Variants in CAMKK1 observed in about 807,000 individuals in gnomAD.
CAMKK1 encodes the protein calcium/calmodulin-dependent protein kinase kinase 1.
Under a neutral mutation model 63.5 loss-of-function variants are expected in CAMKK1, and 20 were observed. That is an observed-to-expected ratio of 0.32 (90% confidence interval 0.22 to 0.46). The LOEUF (loss-of-function observed/expected upper bound fraction) is 0.46. Ranked by LOEUF, CAMKK1 falls within the 20% of genes least tolerant of loss-of-function variation. The probability of loss-of-function intolerance (pLI) is 1.00; values close to 1 mark genes in which losing one functional copy is unlikely to be tolerated. For synonymous variants in CAMKK1, 253 were observed against 269.0 expected (o/e 0.94, Z 0.58); for missense variants, 588 against 658.1 (o/e 0.89, Z 1.17).
intron 10 of CAMKK1, among the ~76,000 whole-genome samples, chr17:3,874,928 T>C (rs1353033955): frequency 6.7e-6 from 1 of 149,918 alleles, no homozygotes; most frequent in African/African-American, 2.4e-5. Context: ...CAGACCATCC[T>C]GGCTAACACG....
chr17:3,865,328 C>T (rs59076202), intron 15 of CAMKK1: 125 of 987,298 alleles, frequency 1.3e-4, no homozygotes, highest in African/African-American at 3.3e-4. Context: ...CGTGGTCCAC[C>T]GGCCAGCCTG....
chr17:3,866,040 A>C, intron 14 of CAMKK1, 29 bp from the exon 15 acceptor site: 1 of 1,610,632 alleles, frequency 6.2e-7, no homozygotes, highest in African/African-American at 1.3e-5. Context: ...CGTGAGGAGC[A>C]CAGGTCCCAG....
chr17:3,875,231 G>A (rs1175933126), intron 10 of CAMKK1, among the ~76,000 whole-genome samples: 1 of 152,176 alleles, frequency 6.6e-6, no homozygotes, highest in East Asian at 1.9e-4. Flanking sequence ...CAACTTTTCT[G>A]TAAATTTAGA....
At chr17:3,867,013 G>A (rs1248583498) in intron 14 of CAMKK1, among the ~76,000 whole-genome samples, 1 of 152,206 alleles carries the variant, frequency 6.6e-6, no homozygotes, top group African/African-American at 2.4e-5. Context: ...GAGCCACTGC[G>A]CCCAGCCATC....
Position 3,884,450 on chromosome 17 carries a change from A to C in CAMKK1, c.361-23T>G. The C allele has an allele frequency of 6.2e-7, 1 of 1,611,790 alleles. No homozygotes were observed. ...GTCCTGTGGGGGAAGAGCGAGCACC[A>C]GGTGGAGCTGGGTCCGGAGGCAGCA... On this transcript the variant is annotated intron_variant, in intron 2 of 15. Transcript: ENST00000348335. This position sits in a 1 kb window ranked among gnomAD's most constrained non-coding sequence, Gnocchi z 4.5.
intron 12 of CAMKK1, among the ~76,000 whole-genome samples, chr17:3,871,086 G>A (rs147053004): frequency 0.011 from 1,706 of 152,242 alleles, 26 homozygotes; most frequent in African/African-American, 0.036. Flanking sequence ...GGCTGTCCCC[G>A]CCTGAATGTG....
intron 8 of CAMKK1, among the ~76,000 whole-genome samples, chr17:3,880,742 C>T (rs2055373027): frequency 6.6e-6 from 1 of 150,956 alleles, no homozygotes; most frequent in Admixed American, 6.6e-5. Context: ...GGATCCAGAC[C>T]CAAGAGAGGA....
chr17:3,866,903 A>G (rs2054549724), intron 14 of CAMKK1, among the ~76,000 whole-genome samples: 1 of 151,836 alleles, frequency 6.6e-6, no homozygotes, highest in Non-Finnish European at 1.5e-5. Flanking sequence ...GTATTTTTAG[A>G]AGAGACGGGG....
rs374899280 is a variant in CAMKK1, at chr17:3,882,220, T to C, written c.685+308A>G. The C allele has an allele frequency of 2.8e-6, 4 of 1,447,504 alleles. No homozygotes were observed. The highest frequency in any genetic ancestry group is 3.5e-5 in the Admixed American group (2 of 56,790). The allele number at this position is 1,447,504 out of a possible 1,614,324, so 89.7% of individuals were successfully genotyped here. Reference sequence around the variant, plus strand: ...GGAAAACTGAGGCACAGAGCTACAGTGTCTGGGAACCCATGCAGCCTGCTT... The same window carrying C: ...GGAAAACTGAGGCACAGAGCTACAGCGTCTGGGAACCCATGCAGCCTGCTT... On this transcript the variant is annotated intron_variant, in intron 7 of 15. Coordinates refer to ENST00000348335, the MANE Select transcript of CAMKK1 (RefSeq NM_032294.3). The surrounding 1 kb of genome is among the most constrained non-coding windows in gnomAD (Gnocchi z 4.3).
chr17:3,881,509 A>G, intron 8 of CAMKK1, 118 bp downstream of exon 8: 1 of 955,354 alleles, frequency 1.0e-6, no homozygotes, highest in Non-Finnish European at 1.6e-6. Context: ...CCCTAAGGGC[A>G]GGGCCTCCGT....
At position 3,885,558 on chromosome 17, in the gene CAMKK1, G is replaced by C. The variant is rs548960205; in HGVS notation, c.130C>G (p.Pro44Ala). 1 of 1,614,014 alleles carries C rather than the reference G, an allele frequency of 6.2e-7. No homozygotes were observed. The highest frequency in any genetic ancestry group is 1.3e-5 in the African/African-American group (1 of 75,058). The change falls in exon 2 of 16, where the codon CCC becomes GCC. Residue 44 changes from proline to alanine, a missense_variant. Coordinates refer to ENST00000348335, the MANE Select transcript of CAMKK1 (RefSeq NM_032294.3). Reference sequence around the variant, plus strand: ...GAGGCAGCTCTGGCCCGTGGTGGGGGGTCCACACCGTTTCTAGTAGGCTCT... The same window carrying C: ...GAGGCAGCTCTGGCCCGTGGTGGGGCGTCCACACCGTTTCTAGTAGGCTCT... Reference protein sequence around the residue: ...GPEPTRNGVDPPPRARAASVI... With the variant: ...GPEPTRNGVDAPPRARAASVI...
Position 3,873,295 on chromosome 17 carries a change from G to T in CAMKK1, c.1050+114C>A, listed in dbSNP as rs927190870. The T allele has an allele frequency of 3.6e-5, 32 of 881,606 alleles. No individual in the cohort carries two copies. In the African/African-American group the frequency reaches 3.8e-4, roughly 11 times the overall value. The allele number at this position is 881,606 out of a possible 1,614,324, so 54.6% of individuals were successfully genotyped here. ...CCTCTTCTCTCTCAGCCTTCTCTGA[G>T]CCAGGTGGGCTCTTTCAAAAGCCAC... On this transcript the variant is annotated intron_variant, in intron 11 of 15. Transcript: ENST00000348335.
At position 3,882,235 on chromosome 17, in the gene CAMKK1, G is replaced by A. The variant is rs192127211; in HGVS notation, c.685+293C>T. On this transcript the variant is annotated intron_variant, in intron 7 of 15. Transcript: ENST00000348335. This position sits in a 1 kb window ranked among gnomAD's most constrained non-coding sequence, Gnocchi z 4.3. ...AGAGCTACAGTGTCTGGGAACCCAT[G>A]CAGCCTGCTTCCTGCATCTACCTGA... is the stretch of plus-strand genomic sequence containing the variant. 1.1e-4 allele frequency: 165 copies of A among 1,558,766 alleles called. No individual in the cohort carries two copies. Among genetic ancestry groups the A allele is most frequent in the Non-Finnish European group, 1.4e-5 (16 of 1,135,914 alleles).
In CAMKK1 at chr17:3,887,835, G is replaced by A. The variant is rs542166968; in HGVS notation, c.-43-2105C>T. On this transcript the variant is annotated intron_variant, in intron 1 of 15. Transcript: ENST00000348335. This position sits in a 1 kb window ranked among gnomAD's most constrained non-coding sequence, Gnocchi z 6.1. The stretch of plus-strand genomic sequence containing the variant: ...AAGCTGGGAACACCCTCCAGGACCC[G>A]CCAGGCTCCTCCCAGCAGGTGGCCC... 2.6e-5 allele frequency among the ~76,000 whole-genome samples: 4 copies of A among 152,236 alleles called. No homozygotes were observed. The South Asian group carries it at 6.2e-4, about 24-fold the overall frequency.
In CAMKK1 at chr17:3,864,062, C is replaced by G. The variant is rs186062585; in HGVS notation, c.1446-1779G>C. On this transcript the variant is annotated intron_variant, in intron 15 of 15. Transcript: ENST00000348335. Reference sequence around the variant, plus strand: ...CCACCTCCCAGACTCAAGCAATCCTCCCACCTCAGCCTCCTGAGTTGCTGG... The same window carrying G: ...CCACCTCCCAGACTCAAGCAATCCTGCCACCTCAGCCTCCTGAGTTGCTGG... Among the ~76,000 whole-genome samples the G allele has an allele frequency of 3.9e-3, 587 of 151,876 alleles. 2 individuals are homozygous for G. The highest frequency in any genetic ancestry group is 0.013 in the African/African-American group (530 of 41,380).
chr17:3,885,383 CG>C lies in CAMKK1; in HGVS notation c.304del (p.Arg102GlyfsTer24). ...ATGPASHISP[R>X]AWRRPTIESH... is the part of the protein sequence containing the mutation. ...CTCGATGGTGGGCCTCCGCCAGGCCCGGGGGGAGATGTGGCTGGCAGGCCCC... is the reference window on the plus strand; with the variant it reads ...CTCGATGGTGGGCCTCCGCCAGGCCCGGGGGAGATGTGGCTGGCAGGCCCC... On this transcript the variant is annotated frameshift_variant, in exon 2 of 16. Transcript: ENST00000348335. LOFTEE classifies it high-confidence loss of function. The C allele has an allele frequency of 6.2e-7, 1 of 1,611,004 alleles. No homozygotes were observed. The highest frequency in any genetic ancestry group is 8.5e-7 in the Non-Finnish European group (1 of 1,178,786).
intron 14 of CAMKK1, among the ~76,000 whole-genome samples, chr17:3,867,556 T>TG (rs2054581414): frequency 6.6e-6 from 1 of 152,020 alleles, no homozygotes; most frequent in South Asian, 2.1e-4. Context: ...CGTGGGAGGT[T>TG]GTTCCAGTGG....
intron 2 of CAMKK1, 62 bp downstream of exon 2, chr17:3,885,264 GAA>G (rs1241125387): frequency 4.7e-6 from 7 of 1,475,704 alleles, no homozygotes; most frequent in Non-Finnish European, 4.5e-6. Context: ...ACAGGGGCAG[GAA>G]AGAGTCTTCA....
chr17:3,864,844 G>C (rs2054456324), intron 15 of CAMKK1, among the ~76,000 whole-genome samples: 2 of 152,174 alleles, frequency 1.3e-5, no homozygotes, highest in South Asian at 4.1e-4. Context: ...CCACTACGAG[G>C]GGTCCCGACC....
Sources: allele counts gnomAD v4.1 joint callset (sites outside exome capture counted in the v4.1 genomes callset), GRCh38; gene constraint gnomAD v4.1.1; non-coding constraint Gnocchi (gnomAD v3.1); transcripts MANE v1.5; gene names NCBI Gene and HGNC (gene_info 2026-07-23, HGNC 2026-07-21).